Variants in ABL2 observed in about 807,000 individuals in gnomAD.
The protein encoded by ABL2 is tyrosine-protein kinase ABL2.
ABL2 carries 49 observed loss-of-function variants against 107.7 expected under a neutral mutation model. That is an observed-to-expected ratio of 0.45 (90% confidence interval 0.36 to 0.58). The LOEUF is 0.58. ABL2 is among the 20% of genes least tolerant of loss of function. The pLI, the probability that ABL2 is intolerant of heterozygous loss-of-function variation, is 0.00. For missense variants in ABL2, 1,245 were observed against 1,457.0 expected (o/e 0.85, Z 2.37); for synonymous variants, 549 against 548.6 (o/e 1.00, Z -0.01).
chr1:179,204,093 C>G (rs1338639691), intron 1 of ABL2, among the ~76,000 whole-genome samples: 1 of 152,118 alleles, frequency 6.6e-6, no homozygotes, highest in Non-Finnish European at 1.5e-5. Context: ...GTGGCCTGAT[C>G]TCAGCTCACT....
Position 179,102,317 on chromosome 1 carries a change from T to C in ABL2, c.*5401A>G, listed in dbSNP as rs1653166291. 1 of 191,994 alleles carries C rather than the reference T, an allele frequency of 5.2e-6. No homozygotes were observed. Among genetic ancestry groups the C allele is most frequent in the African/African-American group, 2.3e-5 (1 of 43,036 alleles). The allele number at this position is 191,994 out of a possible 1,614,324, so 11.9% of individuals were successfully genotyped here. A position where few individuals can be genotyped will look rare whatever the true frequency, so the allele number is the denominator to read the frequency against. ...TGAGCCACCGCACCCGGCCAGAATT[T>C]CTTTAAGTCTAGTAGTTGGAAAACC... On this transcript the variant is annotated 3_prime_UTR_variant, in exon 12 of 12. Coordinates refer to ENST00000502732, the MANE Select transcript of ABL2 (RefSeq NM_007314.4).
At chr1:179,224,158 A>AAAAAAG (rs1663059659) in intron 1 of ABL2, among the ~76,000 whole-genome samples, 1 of 146,762 alleles carries the variant, frequency 6.8e-6, no homozygotes, top group Non-Finnish European at 1.5e-5. Context: ...AAAAAAAAAA[A>AAAAAAG]CTACAGATCC....
At chr1:179,209,394 T>G (rs575656261) in intron 1 of ABL2, among the ~76,000 whole-genome samples, 1 of 152,336 alleles carries the variant, frequency 6.6e-6, no homozygotes, top group Admixed American at 6.5e-5. Context: ...TAAAATTACA[T>G]AAGTTTCCCT....
chr1:179,229,167 T>C (rs2124887730), intron 1 of ABL2, 74 bp downstream of exon 1: 1 of 402,572 alleles, frequency 2.5e-6, no homozygotes, highest in Non-Finnish European at 4.6e-6. Flanking sequence ...GGGCAGCCCG[T>C]CCGCCACCCA....
intron 9 of ABL2, among the ~76,000 whole-genome samples, chr1:179,114,280 G>A (rs961219639): frequency 3.3e-5 from 5 of 151,832 alleles, no homozygotes; most frequent in South Asian, 2.1e-4. Context: ...CATGGTGTGC[G>A]TGCCTGTGGT....
chr1:179,210,129 CTA>C (rs1662182348), intron 1 of ABL2, among the ~76,000 whole-genome samples: 1 of 152,170 alleles, frequency 6.6e-6, no homozygotes, highest in Non-Finnish European at 1.5e-5. Flanking sequence ...TCCTCAAGTG[CTA>C]TGACTACAGG....
At chr1:179,182,765 AATTT>A (rs1402710114) in intron 1 of ABL2, among the ~76,000 whole-genome samples, 6 of 152,036 alleles carry the variant, frequency 3.9e-5, no homozygotes, top group African/African-American at 7.2e-5. Context: ...TGCATATTTA[AATTT>A]ATTTAGGAGA....
intron 1 of ABL2, among the ~76,000 whole-genome samples, chr1:179,203,803 G>T (rs1406855791): frequency 6.6e-6 from 1 of 152,176 alleles, no homozygotes; most frequent in East Asian, 1.9e-4. Context: ...ATAACAGGCA[G>T]CATAGCCTGG....
At chr1:179,223,402 G>A (rs1463825471) in intron 1 of ABL2, among the ~76,000 whole-genome samples, 5 of 135,668 alleles carry the variant, frequency 3.7e-5, no homozygotes, top group Admixed American at 8.0e-5. Flanking sequence ...AACAGAGCAA[G>A]ACCCTGTCTC....
chr1:179,192,075 T>A (rs1485597825), intron 1 of ABL2, among the ~76,000 whole-genome samples: 2 of 152,208 alleles, frequency 1.3e-5, no homozygotes, highest in African/African-American at 4.8e-5. Context: ...AGTCAAAATA[T>A]AACAAAATAT....
intron 1 of ABL2, among the ~76,000 whole-genome samples, chr1:179,228,295 C>T (rs926170336): frequency 3.3e-5 from 5 of 151,468 alleles, no homozygotes; most frequent in South Asian, 2.1e-4. Context: ...TGCAGTGAGC[C>T]GACATCCCGC....
intron 5 of ABL2, among the ~76,000 whole-genome samples, chr1:179,121,167 T>C (rs1471139099): frequency 6.6e-6 from 1 of 152,090 alleles, no homozygotes; most frequent in African/African-American, 2.4e-5. Context: ...AAGATTTCTG[T>C]TAATATTAAG....
chr1:179,155,653 C>T (rs2102740045), intron 1 of ABL2, among the ~76,000 whole-genome samples: 1 of 151,542 alleles, frequency 6.6e-6, no homozygotes, highest in South Asian at 2.1e-4. Flanking sequence ...ATCGCTTGAA[C>T]CTAGGTGGCA....
chr1:179,139,544 A>G (rs1657380323), intron 1 of ABL2, among the ~76,000 whole-genome samples: 1 of 152,196 alleles, frequency 6.6e-6, no homozygotes, highest in South Asian at 2.1e-4. Flanking sequence ...TGCTCTCACA[A>G]ACAACATCCA....
intron 7 of ABL2, 87 bp from the exon 8 acceptor site, chr1:179,117,603 G>T: frequency 7.3e-7 from 1 of 1,365,914 alleles, no homozygotes; most frequent in South Asian, 1.3e-5. Flanking sequence ...TGTGTTATAG[G>T]CAGAGTTAAG....
At chr1:179,119,834 A>G (rs953106712) in intron 6 of ABL2, among the ~76,000 whole-genome samples, 11 of 152,208 alleles carry the variant, frequency 7.2e-5, no homozygotes, top group African/African-American at 2.7e-4. Flanking sequence ...GTACAAACTG[A>G]GCAGTTTTAT....
rs1448619830 is a variant in ABL2 at position 179,099,461 on chromosome 1, ACAGT to A, written c.*8253_*8256del. 9.1e-6 allele frequency: 2 copies of A among 220,260 alleles called. No individual in the cohort carries two copies. Among genetic ancestry groups the A allele is most frequent in the Non-Finnish European group, 9.1e-6 (1 of 109,904 alleles). The allele number at this position is 220,260 out of a possible 1,614,324, so 13.6% of individuals were successfully genotyped here. A position where few individuals can be genotyped will look rare whatever the true frequency, so the allele number is the denominator to read the frequency against. On this transcript the variant is annotated 3_prime_UTR_variant, in exon 12 of 12. Transcript: ENST00000502732. ...TCAAGTTTAACACTGTTAGCAGTTCACAGTCAGACAACAGACGGAGAGAATTAAA... is the reference window on the plus strand; with the variant it reads ...TCAAGTTTAACACTGTTAGCAGTTCACAGACAACAGACGGAGAGAATTAAA...
intron 1 of ABL2, among the ~76,000 whole-genome samples, chr1:179,147,966 G>A (rs2793790): frequency 0.5 from 75,079 of 151,572 alleles, 18,752 homozygotes; most frequent in Admixed American, 0.54. Context: ...CTTTGCAGAC[G>A]CTGTGTTTTT....
intron 1 of ABL2, among the ~76,000 whole-genome samples, chr1:179,141,919 A>G (rs1197062627): frequency 6.6e-6 from 1 of 152,236 alleles, no homozygotes; most frequent in African/African-American, 2.4e-5. Flanking sequence ...GGGGAACAAG[A>G]TAAGGGATAA....
Sources: allele counts gnomAD v4.1 joint callset (sites outside exome capture counted in the v4.1 genomes callset), GRCh38; gene constraint gnomAD v4.1.1; transcripts MANE v1.5; gene names NCBI Gene and HGNC (gene_info 2026-07-23, HGNC 2026-07-21).